Variants in PLAAT1 observed in about 807,000 individuals in gnomAD.
The protein encoded by PLAAT1 is H-REV107 protein-related protein.
Under a neutral mutation model 16.4 loss-of-function variants are expected in PLAAT1, and 13 were observed. That is an observed-to-expected ratio of 0.79 (90% CI 0.52 to 1.26). The LOEUF (loss-of-function observed/expected upper bound fraction) is 1.26. Ranked by LOEUF, PLAAT1 falls within the 50% of genes most tolerant of loss-of-function variation. PLAAT1 has a pLI of 0.00. For missense variants in PLAAT1, 218 were observed against 207.8 expected (o/e 1.05, Z -0.30); for synonymous variants, 73 against 78.4 (o/e 0.93, Z 0.36).
At chr3:193,280,107 G>A (rs535629634), downstream of PLAAT1, among the ~76,000 whole-genome samples, 81 of 151,250 alleles carry the variant, frequency 5.4e-4, no homozygotes, top group Non-Finnish European at 8.4e-4. Context: ...CTGGAGTGCA[G>A]TGGCACGATC....
intron 3 of PLAAT1, among the ~76,000 whole-genome samples, chr3:193,264,413 A>G (rs1476661136): frequency 1.3e-5 from 2 of 152,002 alleles, no homozygotes; most frequent in Non-Finnish European, 2.9e-5. Context: ...GCATCAATTT[A>G]TGTGCTTATT....
chr3:193,280,599 T>C (rs1264424310), downstream of PLAAT1, among the ~76,000 whole-genome samples: 1 of 152,194 alleles, frequency 6.6e-6, no homozygotes, highest in East Asian at 1.9e-4. Flanking sequence ...CCAAATTGTT[T>C]TAATTTTGGG....
At chr3:193,265,814 T>TA (rs1716759351) in intron 3 of PLAAT1, among the ~76,000 whole-genome samples, 1 of 152,178 alleles carries the variant, frequency 6.6e-6, no homozygotes, top group South Asian at 2.1e-4. Context: ...AGCTAGAACA[T>TA]AGAGGGTACA....
chr3:193,252,822 G>A (rs571588697), intron 1 of PLAAT1, among the ~76,000 whole-genome samples: 21 of 152,198 alleles, frequency 1.4e-4, no homozygotes, highest in Middle Eastern at 3.4e-3. Context: ...AATAGTGTAT[G>A]ACCTTGACCA....
At chr3:193,264,862 T>C (rs933598033) in intron 3 of PLAAT1, among the ~76,000 whole-genome samples, 1 of 152,236 alleles carries the variant, frequency 6.6e-6, no homozygotes, top group Non-Finnish European at 1.5e-5. Context: ...TGTTCAGTAG[T>C]AAGTTTTCTT....
intron 3 of PLAAT1, among the ~76,000 whole-genome samples, chr3:193,265,393 A>G (rs1280186488): frequency 6.6e-6 from 1 of 152,202 alleles, no homozygotes; most frequent in Non-Finnish European, 1.5e-5. Flanking sequence ...ACAAGAGACT[A>G]CATATTATAT....
intron 3 of PLAAT1, among the ~76,000 whole-genome samples, chr3:193,270,393 G>A (rs1716944947): frequency 6.6e-6 from 1 of 152,180 alleles, no homozygotes; most frequent in African/African-American, 2.4e-5. Context: ...ATATACCCAT[G>A]TGTACGTATC....
At chr3:193,247,330 C>T (rs1248528636) in intron 1 of PLAAT1, among the ~76,000 whole-genome samples, 1 of 152,152 alleles carries the variant, frequency 6.6e-6, no homozygotes, top group East Asian at 1.9e-4. Flanking sequence ...AACATGCCCA[C>T]AGCACACTAA....
rs540665534 is a variant in PLAAT1 at position 193,245,429 on chromosome 3, C to T, written c.-1+3896C>T. The stretch of plus-strand genomic sequence containing the variant: ...TGTGTATATGTACCACATTTTTATC[C>T]GTTTATCCATTAATAGACACTTAGG... On this transcript the variant is annotated intron_variant, in intron 1 of 3. Coordinates refer to ENST00000264735, the MANE Select transcript of PLAAT1 (RefSeq NM_020386.5). Among the ~76,000 whole-genome samples, 14 of 152,180 alleles carry T rather than the reference C, an allele frequency of 9.2e-5. 1 individual carries two copies. The South Asian group carries it at 1.0e-3, about 11-fold the overall frequency.
intron 1 of PLAAT1, among the ~76,000 whole-genome samples, chr3:193,244,732 G>A (rs138651630): frequency 1.1e-3 from 170 of 152,206 alleles, no homozygotes; most frequent in Non-Finnish European, 1.8e-3. Context: ...GAGTCCCAAG[G>A]TGGTACAGAG....
At position 193,265,590 on chromosome 3, in the gene PLAAT1, A is replaced by G. The variant is rs571297004; in HGVS notation, c.405+2355A>G. On this transcript the variant is annotated intron_variant, in intron 3 of 3. Transcript: ENST00000264735. ...CACAAGTCTATGAATATACTAAAAA[A>G]CATTGAACTACATTATTTCAGTGGG... 2.6e-5 allele frequency among the ~76,000 whole-genome samples: 4 copies of G among 151,908 alleles called. No individual in the cohort carries two copies. The East Asian group carries it at 6.0e-4, about 23-fold the overall frequency.
chr3:193,258,117 T>A (rs894825483), intron 2 of PLAAT1, among the ~76,000 whole-genome samples: 10 of 152,146 alleles, frequency 6.6e-5, no homozygotes, highest in African/African-American at 2.4e-4. Context: ...CTTTCATATA[T>A]ACATCTATCC....
chr3:193,241,649 C>T, intron 1 of PLAAT1, 116 bp downstream of exon 1: 2 of 685,390 alleles, frequency 2.9e-6, no homozygotes, highest in Non-Finnish European at 2.0e-6. Context: ...CTTATCCACC[C>T]TCCTCTTTTT....
At chr3:193,274,811 T>G, downstream of PLAAT1, 1 of 588,656 alleles carries the variant, frequency 1.7e-6, no homozygotes, top group Non-Finnish European at 2.9e-6. Context: ...TGAATACAGT[T>G]TATTGAAAAG....
At chr3:193,244,105 T>C (rs1336819045) in intron 1 of PLAAT1, among the ~76,000 whole-genome samples, 1 of 152,192 alleles carries the variant, frequency 6.6e-6, no homozygotes, top group Non-Finnish European at 1.5e-5. Context: ...GCACACAGTT[T>C]TTTATTTTTT....
chr3:193,276,620 C>A, intron 2 of PLAAT1: 2 of 648,024 alleles, frequency 3.1e-6, no homozygotes, highest in Non-Finnish European at 5.3e-6. Flanking sequence ...AGAATATGTA[C>A]CATTTTAATA....
At chr3:193,271,377 T>C (rs991308489), downstream of PLAAT1, among the ~76,000 whole-genome samples, 7 of 152,230 alleles carry the variant, frequency 4.6e-5, no homozygotes, top group African/African-American at 1.7e-4. Context: ...CCCTTTGGAT[T>C]TTGAAGTGTT....
chr3:193,253,977 G>A (rs1716288094), intron 1 of PLAAT1, among the ~76,000 whole-genome samples: 1 of 152,086 alleles, frequency 6.6e-6, no homozygotes, highest in Non-Finnish European at 1.5e-5. Context: ...AATCATAGCA[G>A]GCAGCTTTGT....
intron 1 of PLAAT1, among the ~76,000 whole-genome samples, chr3:193,246,584 A>G (rs1330200635): frequency 1.3e-5 from 2 of 151,822 alleles, no homozygotes; most frequent in Non-Finnish European, 2.9e-5. Context: ...CTGGTCTAGA[A>G]CTCCTGGGCT....
Sources: gnomAD v4.1 joint callset for allele counts (sites outside exome capture counted in the v4.1 genomes callset) on GRCh38, gnomAD v4.1.1 for gene constraint, MANE v1.5 for transcripts, NCBI Gene and HGNC (gene_info 2026-07-23, HGNC 2026-07-21) for gene names.